Variants in NAPA observed in about 807,000 individuals in gnomAD.
NAPA encodes the protein NSF attachment protein alpha.
A neutral mutation model predicts 48.0 loss-of-function variants in NAPA; 18 were observed. The ratio of observed to expected loss-of-function variants is 0.38; its 90% CI spans 0.26 to 0.56. The LOEUF (loss-of-function observed/expected upper bound fraction) is 0.56. NAPA is among the 20% of genes least tolerant of loss of function. The pLI is 0.77. For synonymous variants in NAPA, 152 were observed against 149.9 expected, an observed-to-expected ratio of 1.01 and a Z score of -0.10; for missense variants, 315 against 385.0, an observed-to-expected ratio of 0.82 and a Z score of 1.52.
chr19:47,514,848 G>A lies in NAPA; in HGVS notation c.93C>T (p.Leu31=), dbSNP rs1358010196. 8 of 1,613,824 alleles carry A rather than the reference G, an allele frequency of 5.0e-6. No homozygotes were observed. The African/African-American group carries it at 6.7e-5, about 13-fold the overall frequency. The change falls in exon 1 of 11, where the codon CTC becomes CTT. Residue 31 remains leucine (L), a synonymous_variant. Transcript: ENST00000263354. ...CCCCTCAGCCCGGTTCTCACCCAAA[G>A]AGGCCAGAGAAGAAGGACTGCGAGT... ...VKNSQSFFSG[L]FGGSSKIEEA... is the part of the protein sequence containing the mutation.
At position 47,493,257 on chromosome 19, in the gene NAPA, T is replaced by C; in HGVS notation, c.421-83A>G. 2.0e-6 allele frequency: 3 copies of C among 1,505,536 alleles called. No individual in the cohort carries two copies. In the South Asian group the frequency reaches 3.7e-5, roughly 19 times the overall value. 93.3% of individuals were successfully genotyped at this position (1,505,536 alleles called of 1,614,324 possible). ...CGTGAAGCTTCCACACCCTCCGCCCTGCCTGCCTGGGACACAGCCAGACCC... is the reference window on the plus strand; with the variant it reads ...CGTGAAGCTTCCACACCCTCCGCCCCGCCTGCCTGGGACACAGCCAGACCC... On this transcript the variant is annotated intron_variant, in intron 5 of 10. Coordinates refer to ENST00000263354, the MANE Select transcript of NAPA (RefSeq NM_003827.4). The surrounding 1 kb of genome is among the most constrained non-coding windows in gnomAD (Gnocchi z 6.4).
At chr19:47,508,214 C>T (rs1037053496) in intron 1 of NAPA, among the ~76,000 whole-genome samples, 5 of 152,252 alleles carry the variant, frequency 3.3e-5, no homozygotes, top group Non-Finnish European at 7.3e-5. Context: ...AAAGTTAAGG[C>T]TGCCTGTGGT....
chr19:47,509,238 G>T (rs1007478316), intron 1 of NAPA, among the ~76,000 whole-genome samples: 1 of 150,852 alleles, frequency 6.6e-6, no homozygotes, highest in Non-Finnish European at 1.5e-5. Context: ...TACGCTCAAA[G>T]GGGTGCCTGC....
At chr19:47,495,693 GC>G in intron 3 of NAPA, 97 bp from the exon 4 acceptor site, 1 of 1,170,000 alleles carries the variant, frequency 8.5e-7, no homozygotes, top group Non-Finnish European at 1.3e-6. Flanking sequence ...CTGGCTGCCA[GC>G]AGAGAGATCA....
intron 1 of NAPA, among the ~76,000 whole-genome samples, chr19:47,512,244 G>A (rs1968818072): frequency 2.0e-5 from 3 of 151,988 alleles, no homozygotes; most frequent in African/African-American, 7.3e-5. Flanking sequence ...TCCCGTCACG[G>A]TAGATCTCTG....
chr19:47,510,162 G>A (rs1017275756), intron 1 of NAPA, among the ~76,000 whole-genome samples: 2 of 152,184 alleles, frequency 1.3e-5, no homozygotes, highest in African/African-American at 2.4e-5. Flanking sequence ...AAATGGCGCC[G>A]GGGTTTCTGC....
At position 47,491,027 on chromosome 19, in the gene NAPA, C is replaced by T. The variant is rs957670336; in HGVS notation, c.667-171G>A. The T allele has an allele frequency of 5.4e-6, 3 of 560,398 alleles. No individual in the cohort carries two copies. In the East Asian group the frequency reaches 9.4e-5, roughly 18 times the overall value. The allele number at this position is 560,398 out of a possible 1,614,324, so 34.7% of individuals were successfully genotyped here. A position where few individuals can be genotyped will look rare whatever the true frequency, so the allele number is the denominator to read the frequency against. On this transcript the variant is annotated intron_variant, in intron 8 of 10. Coordinates refer to ENST00000263354, the MANE Select transcript of NAPA (RefSeq NM_003827.4). ...TGTGTCTGTCAGTACCTTCCCGTAG[C>T]TGAGCTCAGCACCAGCCTGGCTGCA...
chr19:47,511,031 C>T (rs187436518), intron 1 of NAPA, among the ~76,000 whole-genome samples: 1 of 152,346 alleles, frequency 6.6e-6, no homozygotes, highest in East Asian at 1.9e-4. Context: ...GGCGACAGCA[C>T]AGACACCCAT....
intron 1 of NAPA, among the ~76,000 whole-genome samples, chr19:47,508,324 G>C (rs1249949809): frequency 6.6e-6 from 1 of 152,212 alleles, no homozygotes; most frequent in African/African-American, 2.4e-5. Flanking sequence ...CATCCTGAAG[G>C]CACCGCCACC....
chr19:47,514,725 G>T, intron 1 of NAPA, 118 bp downstream of exon 1: 1 of 924,144 alleles, frequency 1.1e-6, no homozygotes, highest in Non-Finnish European at 1.7e-6. Context: ...TCACCTTATT[G>T]CAGGTTCCTC....
rs185717672 is a variant in NAPA, at chr19:47,489,217, C to T, written c.786+494G>A. 4.9e-3 allele frequency: 804 copies of T among 163,308 alleles called. 16 individuals are homozygous for T. Among genetic ancestry groups the T allele is most frequent in the African/African-American group, 0.018 (737 of 41,858 alleles). 10.1% of individuals were successfully genotyped at this position (163,308 alleles called of 1,614,324 possible). On this transcript the variant is annotated intron_variant, in intron 10 of 10. Transcript: ENST00000263354. ...GACCTGAGCCGGACACCACTAAGCCCGGGAATGCTGGGAACAGAGAAAGGG... is the reference window on the plus strand; with the variant it reads ...GACCTGAGCCGGACACCACTAAGCCTGGGAATGCTGGGAACAGAGAAAGGG...
chr19:47,507,722 C>T (rs1019752322), intron 1 of NAPA, among the ~76,000 whole-genome samples: 11 of 152,188 alleles, frequency 7.2e-5, no homozygotes, highest in Admixed American at 3.9e-4. Context: ...GCCTTAATCA[C>T]GGCTGGCGCA....
Position 47,488,277 on chromosome 19 carries a change from C to T in NAPA, c.*11G>A, listed in dbSNP as rs375049267. 22 of 1,603,458 alleles carry T rather than the reference C, an allele frequency of 1.4e-5. No individual in the cohort carries two copies. Among genetic ancestry groups the T allele is most frequent in the Non-Finnish European group, 1.8e-5 (21 of 1,172,350 alleles). On this transcript the variant is annotated 3_prime_UTR_variant, in exon 11 of 11. Transcript: ENST00000263354. The stretch of plus-strand genomic sequence containing the variant: ...GGACAGGAAGACGGGCACTGGGGGG[C>T]TGGGTGGGGCTTAGCGCAGGTCCTC...
At chr19:47,514,781 C>T in intron 1 of NAPA, 62 bp downstream of exon 1, 1 of 1,525,188 alleles carries the variant, frequency 6.6e-7, no homozygotes, top group Non-Finnish European at 9.0e-7. Flanking sequence ...CCGCCACCTC[C>T]GAGCGTGACT....
intron 1 of NAPA, among the ~76,000 whole-genome samples, chr19:47,513,571 A>G (rs1295797390): frequency 1.3e-5 from 2 of 152,184 alleles, no homozygotes; most frequent in African/African-American, 4.8e-5. Flanking sequence ...TGGTCGTGTC[A>G]GCTTTTAGGA....
chr19:47,507,223 G>A (rs760605120), intron 1 of NAPA, among the ~76,000 whole-genome samples: 5 of 152,138 alleles, frequency 3.3e-5, no homozygotes, highest in African/African-American at 4.8e-5. Flanking sequence ...ATAATTACCC[G>A]CTCAGCTTTG....
At chr19:47,507,440 ACCATGCCCT>A in intron 1 of NAPA, among the ~76,000 whole-genome samples, 1 of 152,070 alleles carries the variant, frequency 6.6e-6, no homozygotes, top group Non-Finnish European at 1.5e-5. Flanking sequence ...CCAGAAATAC[ACCATGCCCT>A]GAGACCCACC....
In NAPA at chr19:47,490,762, G is replaced by C. The variant is rs538779003; in HGVS notation, c.735+26C>G. 5 of 1,609,760 alleles carry C rather than the reference G, an allele frequency of 3.1e-6. No individual in the cohort carries two copies. In the African/African-American group the frequency reaches 5.3e-5, roughly 17 times the overall value. On this transcript the variant is annotated intron_variant, in intron 9 of 10. Coordinates refer to ENST00000263354, the MANE Select transcript of NAPA (RefSeq NM_003827.4). ...CACCCCCGTCTGAGGTTCGGGAAGG[G>C]GGAGGCCGGAGCACCCAGCACTTAC...
chr19:47,514,784 GCGTGACTCCTT>G, intron 1 of NAPA, 48 bp downstream of exon 1: 2 of 1,532,080 alleles, frequency 1.3e-6, no homozygotes, highest in Middle Eastern at 1.7e-4. Context: ...CCACCTCCGA[GCGTGACTCCTT>G]CGTCCTCTCA....
Sources: allele counts gnomAD v4.1 joint callset (sites outside exome capture counted in the v4.1 genomes callset), GRCh38; gene constraint gnomAD v4.1.1; non-coding constraint Gnocchi (gnomAD v3.1); transcripts MANE v1.5; gene names NCBI Gene and HGNC (gene_info 2026-07-23, HGNC 2026-07-21).